The following DSCAM variants were observed in gnomAD, a reference collection of about 807,000 sequenced individuals.
DSCAM encodes the protein cell adhesion molecule DSCAM.
A neutral mutation model predicts 217.7 loss-of-function variants in DSCAM; 47 were observed. The ratio of observed to expected loss-of-function variants is 0.22; its 90% CI spans 0.17 to 0.28. The LOEUF is 0.28. Among genes scored for constraint, DSCAM ranks in the 10% least tolerant of loss-of-function variants. The pLI, the probability that DSCAM is intolerant of heterozygous loss-of-function variation, is 1.00. For synonymous variants in DSCAM, 1,056 were observed against 1,015.3 expected (o/e 1.04, Z -0.76); for missense variants, 2,080 against 2,618.3 (o/e 0.79, Z 4.49).
At chr21:40,180,334 T>C (rs923942219) in intron 14 of DSCAM, among the ~76,000 whole-genome samples, 2 of 152,208 alleles carry the variant, frequency 1.3e-5, no homozygotes, top group Admixed American at 1.3e-4. Context: ...GCTTAAAGAC[T>C]GCTTTTGGAT....
intron 3 of DSCAM, among the ~76,000 whole-genome samples, chr21:40,506,488 C>T: frequency 6.6e-6 from 1 of 152,218 alleles, no homozygotes; most frequent in East Asian, 1.9e-4. Flanking sequence ...TCAAGTGGCT[C>T]AAACAAAATC....
chr21:40,415,852 AG>A (rs1415761199), intron 3 of DSCAM, among the ~76,000 whole-genome samples: 2 of 152,092 alleles, frequency 1.3e-5, no homozygotes, highest in African/African-American at 4.8e-5. Flanking sequence ...CCCAACTCTC[AG>A]GACGGCACCA....
At chr21:40,387,739 A>G in intron 3 of DSCAM, among the ~76,000 whole-genome samples, 1 of 152,256 alleles carries the variant, frequency 6.6e-6, no homozygotes, top group Middle Eastern at 3.4e-3. Context: ...TAACTCGACA[A>G]TGTTTACACA....
intron 3 of DSCAM, among the ~76,000 whole-genome samples, chr21:40,456,125 TA>T (rs2145938945): frequency 6.6e-6 from 1 of 151,960 alleles, no homozygotes; most frequent in South Asian, 2.1e-4. Flanking sequence ...AAGTATTAAA[TA>T]TAATTTTTTT....
Position 40,313,125 on chromosome 21 carries a change from A to AAAG in DSCAM, c.1784-767_1784-766insCTT, listed in dbSNP as rs1478183121. Among the ~76,000 whole-genome samples the AAAG allele has an allele frequency of 2.0e-5, 3 of 151,854 alleles. No homozygotes were observed. The East Asian group carries it at 5.8e-4, about 29-fold the overall frequency. ...CCAGCCTGTGTCTAAAAAACTAAAAAAAAAAAAAAAAGTAAAATAAATATT... is the reference window on the plus strand; with the variant it reads ...CCAGCCTGTGTCTAAAAAACTAAAAAAAGAAAAAAAAAAAGTAAAATAAATATT... On this transcript the variant is annotated intron_variant, in intron 8 of 32. Coordinates refer to ENST00000400454, the MANE Select transcript of DSCAM (RefSeq NM_001389.5).
intron 3 of DSCAM, among the ~76,000 whole-genome samples, chr21:40,633,791 C>T (rs1330331597): frequency 6.6e-6 from 1 of 152,108 alleles, no homozygotes; most frequent in Non-Finnish European, 1.5e-5. Flanking sequence ...AGAGCGTGTT[C>T]AATGGTGTAA....
intron 3 of DSCAM, among the ~76,000 whole-genome samples, chr21:40,567,624 C>T (rs189564009): frequency 6.6e-6 from 1 of 152,350 alleles, no homozygotes; most frequent in African/African-American, 2.4e-5. Flanking sequence ...CTCATTCCCC[C>T]TACTTATCAC....
chr21:40,492,886 AT>A (rs2076087550), intron 3 of DSCAM, among the ~76,000 whole-genome samples: 3 of 152,116 alleles, frequency 2.0e-5, no homozygotes, highest in Admixed American at 1.3e-4. Context: ...AAAAGTCAAA[AT>A]TTTCAATCAG....
intron 2 of DSCAM, among the ~76,000 whole-genome samples, chr21:40,698,778 G>A (rs1160292716): frequency 6.6e-6 from 1 of 151,294 alleles, no homozygotes; most frequent in African/African-American, 2.4e-5. Flanking sequence ...GCTGAGGCAG[G>A]AGAATCACTT....
chr21:40,584,595 C>T (rs1371998509), intron 3 of DSCAM, among the ~76,000 whole-genome samples: 6 of 152,120 alleles, frequency 3.9e-5, no homozygotes, highest in African/African-American at 1.4e-4. Context: ...CATCACACCT[C>T]CCTCCCTCAA....
intron 11 of DSCAM, among the ~76,000 whole-genome samples, chr21:40,196,996 A>G (rs2091017337): frequency 6.6e-6 from 1 of 152,248 alleles, no homozygotes; most frequent in African/African-American, 2.4e-5. Context: ...CAGATGGTCA[A>G]ATAGAAACCA....
intron 3 of DSCAM, among the ~76,000 whole-genome samples, chr21:40,509,484 A>G (rs1426058322): frequency 6.6e-6 from 1 of 152,116 alleles, no homozygotes; most frequent in Non-Finnish European, 1.5e-5. Flanking sequence ...ACAGCTCCCC[A>G]TTGTTCCTCT....
chr21:40,694,108 A>G (rs957204226), intron 2 of DSCAM, among the ~76,000 whole-genome samples: 1 of 152,220 alleles, frequency 6.6e-6, no homozygotes, highest in Admixed American at 6.5e-5. Flanking sequence ...ATGGATCCCC[A>G]GGGTTGGGGA....
rs539511188 is a variant in DSCAM, at chr21:40,211,093, C to T, written c.2357-21855G>A. 5.3e-5 allele frequency among the ~76,000 whole-genome samples: 8 copies of T among 152,322 alleles called. No homozygotes were observed. In the East Asian group the frequency reaches 1.4e-3, roughly 26 times the overall value. On this transcript the variant is annotated intron_variant, in intron 11 of 32. Transcript: ENST00000400454. Reference sequence around the variant, plus strand: ...GTATTCTCCACCTCTGCTGTTTTATCGTTTTGAGAATGCTTTATAAAGATA... The same window carrying T: ...GTATTCTCCACCTCTGCTGTTTTATTGTTTTGAGAATGCTTTATAAAGATA...
At chr21:40,440,090 A>C in intron 3 of DSCAM, among the ~76,000 whole-genome samples, 1 of 152,198 alleles carries the variant, frequency 6.6e-6, no homozygotes, top group East Asian at 1.9e-4. Flanking sequence ...AATGAGTTGT[A>C]GGAACATGTA....
At chr21:40,131,335 A>T (rs1037574305) in intron 19 of DSCAM, among the ~76,000 whole-genome samples, 1 of 152,176 alleles carries the variant, frequency 6.6e-6, no homozygotes, top group Non-Finnish European at 1.5e-5. Context: ...ACAATTCTTC[A>T]CCGTTTCTAA....
intron 1 of DSCAM, among the ~76,000 whole-genome samples, chr21:40,778,074 A>G (rs1467604564): frequency 6.6e-6 from 1 of 152,190 alleles, no homozygotes; most frequent in Non-Finnish European, 1.5e-5. Flanking sequence ...AGATAAAACA[A>G]GGATGGGTAA....
At chr21:40,089,777 A>C (rs2089581548) in intron 21 of DSCAM, among the ~76,000 whole-genome samples, 1 of 151,920 alleles carries the variant, frequency 6.6e-6, no homozygotes, top group African/African-American at 2.4e-5. Context: ...CTCCATCCTG[A>C]GGCACTCCCT....
chr21:40,734,054 C>T (rs1408277792), intron 1 of DSCAM, among the ~76,000 whole-genome samples: 2 of 152,138 alleles, frequency 1.3e-5, no homozygotes, highest in African/African-American at 4.8e-5. Context: ...TGGGCCCTAA[C>T]TTAATTATAC....
Sources: allele counts gnomAD v4.1 joint callset (sites outside exome capture counted in the v4.1 genomes callset), GRCh38; gene constraint gnomAD v4.1.1; transcripts MANE v1.5; gene names NCBI Gene and HGNC (gene_info 2026-07-23, HGNC 2026-07-21).